KCNQ1: variants seen among roughly 807,000 people sequenced by gnomAD.
KCNQ1 encodes the protein potassium voltage-gated channel subfamily KQT member 1.
A neutral mutation model predicts 72.4 loss-of-function variants in KCNQ1; 49 were observed. The observed-to-expected ratio is 0.68, with a 90% confidence interval of 0.54 to 0.86. KCNQ1 has a LOEUF of 0.86. Among genes scored for constraint, KCNQ1 ranks in the 40% least tolerant of loss-of-function variants. The pLI, the probability that KCNQ1 is intolerant of heterozygous loss-of-function variation, is 0.00. For missense variants in KCNQ1, 790 were observed against 945.1 expected (o/e 0.84, Z 2.15); for synonymous variants, 450 against 412.6 (o/e 1.09, Z -1.10).
chr11:2,778,146 T>C (rs185958266), intron 15 of KCNQ1, 109 bp downstream of exon 15: 32 of 1,050,464 alleles, frequency 3.0e-5, no homozygotes, highest in South Asian at 6.6e-5. Context: ...CTCCCCACCT[T>C]CCCGCCAGTG....
chr11:2,790,908 C>G (rs531056050), intron 15 of KCNQ1, among the ~76,000 whole-genome samples: 5 of 152,200 alleles, frequency 3.3e-5, no homozygotes, highest in Non-Finnish European at 5.9e-5. Context: ...TCTTGCTTTC[C>G]CCAGCTATCC....
rs575967781 is a variant in KCNQ1 at position 2,549,616 on chromosome 11, C to T, written c.478-21012C>T. Among the ~76,000 whole-genome samples, 12 of 140,970 alleles carry T rather than the reference C, an allele frequency of 8.5e-5. No homozygotes were observed. Among genetic ancestry groups the T allele is most frequent in the African/African-American group, 2.3e-4 (8 of 34,572 alleles). 92.5% of individuals were successfully genotyped at this position (140,970 alleles called of 152,430 possible). On this transcript the variant is annotated intron_variant, in intron 2 of 15. Transcript: ENST00000155840. The surrounding 1 kb of genome is among the most constrained non-coding windows in gnomAD (Gnocchi z 6.2). Reference sequence around the variant, plus strand: ...TGGGACACTTCCAGTGACTGCTCTGCGAGGCCCGGGGTAGGGGCGTGGGGG... The same window carrying T: ...TGGGACACTTCCAGTGACTGCTCTGTGAGGCCCGGGGTAGGGGCGTGGGGG...
chr11:2,708,302 C>T (rs543550199), intron 11 of KCNQ1, among the ~76,000 whole-genome samples: 13 of 152,292 alleles, frequency 8.5e-5, no homozygotes, highest in South Asian at 4.1e-4. Flanking sequence ...GTCTGCGGCC[C>T]GGGCCGCTGG....
In KCNQ1 at chr11:2,566,531, A is replaced by G. The variant is rs948725605; in HGVS notation, c.478-4097A>G. Among the ~76,000 whole-genome samples the G allele has an allele frequency of 6.6e-6, 1 of 150,686 alleles. No homozygotes were observed. The highest frequency in any genetic ancestry group is 1.5e-5 in the Non-Finnish European group (1 of 67,590). Reference sequence around the variant, plus strand: ...ATGTGGGTCTGTGTTTGCTCTGTGCACGTCTCGGTGCCCAGATCTGAGGCC... The same window carrying G: ...ATGTGGGTCTGTGTTTGCTCTGTGCGCGTCTCGGTGCCCAGATCTGAGGCC... On this transcript the variant is annotated intron_variant, in intron 2 of 15. Coordinates refer to ENST00000155840, the MANE Select transcript of KCNQ1 (RefSeq NM_000218.3). The surrounding 1 kb of genome is among the most constrained non-coding windows in gnomAD (Gnocchi z 6.7).
At position 2,817,589 on chromosome 11, in the gene KCNQ1, G is replaced by A. The variant is rs1847642503; in HGVS notation, c.1795-30178G>A. Among the ~76,000 whole-genome samples, 2 of 148,154 alleles carry A rather than the reference G, an allele frequency of 1.3e-5. No individual in the cohort carries two copies. Among genetic ancestry groups the A allele is most frequent in the South Asian group, 4.4e-4 (2 of 4,550 alleles). On this transcript the variant is annotated intron_variant, in intron 15 of 15. Transcript: ENST00000155840. The surrounding 1 kb of genome is among the most constrained non-coding windows in gnomAD (Gnocchi z 6.1). ...CGGCTTCAGATGATGTCCCTGGCCA[G>A]GGAGGTGGAGGACGCTGGGCAGAGC...
At chr11:2,572,233 AG>A in intron 5 of KCNQ1, 124 bp downstream of exon 5, 2 of 698,062 alleles carry the variant, frequency 2.9e-6, no homozygotes, top group South Asian at 1.7e-5. Flanking sequence ...GCCTGGGCGC[AG>A]GGGTACCTGA....
intron 10 of KCNQ1, among the ~76,000 whole-genome samples, chr11:2,591,632 G>A (rs1270803929): frequency 1.3e-5 from 2 of 152,226 alleles, no homozygotes; most frequent in Non-Finnish European, 2.9e-5. Context: ...TGCTGAATGC[G>A]GGGCAGCCCG....
In KCNQ1 at chr11:2,653,264, G is replaced by A. The variant is rs538416977; in HGVS notation, c.1394-8697G>A. The A allele has an allele frequency of 7.8e-5, 31 of 398,576 alleles. No homozygotes were observed. The highest frequency in any genetic ancestry group is 1.3e-4 in the Non-Finnish European group (29 of 226,122). The allele number at this position is 398,576 out of a possible 1,614,324, so 24.7% of individuals were successfully genotyped here. ...CCCACAAGCCTTCTCCCTGCCCTCT[G>A]CCCTGAAAACTAGTGGGGGCAGTGC... On this transcript the variant is annotated intron_variant, in intron 10 of 15. Coordinates refer to ENST00000155840, the MANE Select transcript of KCNQ1 (RefSeq NM_000218.3). The surrounding 1 kb of genome is among the most constrained non-coding windows in gnomAD (Gnocchi z 5.3).
rs1850316798 is a variant in KCNQ1 at position 2,677,633 on chromosome 11, G to A, written c.1514+15552G>A. 7.5e-6 allele frequency: 3 copies of A among 398,218 alleles called. No individual in the cohort carries two copies. Among genetic ancestry groups the A allele is most frequent in the African/African-American group, 2.1e-5 (1 of 48,502 alleles). 24.7% of individuals were successfully genotyped at this position (398,218 alleles called of 1,614,324 possible). ...TTTTTTCTAAAACGTGTACATAATT[G>A]TAACTCTAACAACTGTTATTGCATA... On this transcript the variant is annotated intron_variant, in intron 11 of 15. Transcript: ENST00000155840. This position sits in a 1 kb window ranked among gnomAD's most constrained non-coding sequence, Gnocchi z 4.5.
At chr11:2,629,335 T>G (rs570115788) in intron 10 of KCNQ1, 9 of 398,340 alleles carry the variant, frequency 2.3e-5, no homozygotes, top group Non-Finnish European at 4.0e-5. Flanking sequence ...CTAAATGTTA[T>G]GCAGTCCAAT....
intron 1 of KCNQ1, among the ~76,000 whole-genome samples, chr11:2,511,921 G>T (rs1847213034): frequency 1.3e-5 from 2 of 152,226 alleles, no homozygotes; most frequent in South Asian, 4.1e-4. Context: ...CCTGGTGGAG[G>T]GCACAGGTCA....
rs1412844833 is a variant in KCNQ1 at position 2,559,950 on chromosome 11, G to C, written c.478-10678G>C. The stretch of plus-strand genomic sequence containing the variant: ...TCTTCCTGCAGGGCCAGGACCCCCA[G>C]AGTGTTCCAGTGACTTCAGAGAGGG... On this transcript the variant is annotated intron_variant, in intron 2 of 15. Transcript: ENST00000155840. The surrounding 1 kb of genome is among the most constrained non-coding windows in gnomAD (Gnocchi z 4.9). Among the ~76,000 whole-genome samples, 2 of 151,672 alleles carry C rather than the reference G, an allele frequency of 1.3e-5. No homozygotes were observed. The highest frequency in any genetic ancestry group is 4.8e-5 in the African/African-American group (2 of 41,250).
At chr11:2,644,800 T>A in intron 10 of KCNQ1, 1 of 398,642 alleles carries the variant, frequency 2.5e-6, no homozygotes, top group Non-Finnish European at 4.4e-6. Flanking sequence ...TCCATGGAAT[T>A]TTTTTCAGCT....
intron 11 of KCNQ1, among the ~76,000 whole-genome samples, chr11:2,754,142 T>C (rs1201228278): frequency 6.6e-6 from 1 of 152,156 alleles, no homozygotes; most frequent in East Asian, 1.9e-4. Flanking sequence ...CCCAGTAGGA[T>C]GACTAAAACA....
At position 2,654,188 on chromosome 11, in the gene KCNQ1, G is replaced by A. The variant is rs1029181208; in HGVS notation, c.1394-7773G>A. On this transcript the variant is annotated intron_variant, in intron 10 of 15. Coordinates refer to ENST00000155840, the MANE Select transcript of KCNQ1 (RefSeq NM_000218.3). The surrounding 1 kb of genome is among the most constrained non-coding windows in gnomAD (Gnocchi z 6.4). ...CAGCTGGCACAGGCTGTGGGGCTGC[G>A]GCTCAGCAATGTCACGCAGGGCCTG... The A allele has an allele frequency of 1.3e-5, 5 of 398,680 alleles. No individual in the cohort carries two copies. The highest frequency in any genetic ancestry group is 1.3e-4 in the South Asian group (1 of 7,860). The allele number at this position is 398,680 out of a possible 1,614,324, so 24.7% of individuals were successfully genotyped here.
chr11:2,534,076 C>A (rs1294953934), intron 2 of KCNQ1, among the ~76,000 whole-genome samples: 7 of 152,066 alleles, frequency 4.6e-5, no homozygotes, highest in African/African-American at 1.7e-4. Flanking sequence ...GCTGCGCCTT[C>A]AGCACACAGC....
chr11:2,502,467 A>G (rs190932784), intron 1 of KCNQ1, among the ~76,000 whole-genome samples: 227 of 152,342 alleles, frequency 1.5e-3, no homozygotes, highest in African/African-American at 5.2e-3. Context: ...ATACCTAGGA[A>G]TAAACTTAAC....
intron 15 of KCNQ1, among the ~76,000 whole-genome samples, chr11:2,837,391 C>T (rs533333973): frequency 4.1e-4 from 63 of 152,226 alleles, no homozygotes; most frequent in East Asian, 9.7e-4. Context: ...GAGCCCGCTC[C>T]GCGCTCACAG....
intron 2 of KCNQ1, 24 bp from the exon 3 acceptor site, chr11:2,570,604 G>A (rs375027164): frequency 7.5e-4 from 1,204 of 1,610,690 alleles, no homozygotes; most frequent in Non-Finnish European, 9.3e-4. Context: ...TGCCTGCAGT[G>A]AGCGTCCCAC....
Sources: allele counts gnomAD v4.1 joint callset (sites outside exome capture counted in the v4.1 genomes callset), GRCh38; gene constraint gnomAD v4.1.1; non-coding constraint Gnocchi (gnomAD v3.1); transcripts MANE v1.5; gene names NCBI Gene and HGNC (gene_info 2026-07-23, HGNC 2026-07-21).